Variants in FBXO47 observed in about 807,000 individuals in gnomAD.
The protein encoded by FBXO47 is F-box protein 47.
In FBXO47, 34 loss-of-function variants were observed where a neutral mutation model predicts 53.9. The ratio of observed to expected loss-of-function variants is 0.63; its 90% confidence interval spans 0.48 to 0.84. The LOEUF (loss-of-function observed/expected upper bound fraction) is 0.84. Ranked by LOEUF, FBXO47 falls within the 40% of genes least tolerant of loss-of-function variation. The probability of loss-of-function intolerance (pLI) is 0.00; values close to 1 mark genes in which losing one functional copy is unlikely to be tolerated. For synonymous variants in FBXO47, 165 were observed against 181.6 expected (o/e 0.91, Z 0.73); for missense variants, 485 against 541.3 (o/e 0.90, Z 1.03).
At position 38,950,389 on chromosome 17, in the gene FBXO47, G is replaced by T. The variant is rs563044477; in HGVS notation, c.616+1192C>A. Among the ~76,000 whole-genome samples, 93 of 144,668 alleles carry T rather than the reference G, an allele frequency of 6.4e-4. 1 individual carries two copies. In the East Asian group the frequency reaches 0.016, roughly 25 times the overall value. 94.9% of individuals were successfully genotyped at this position (144,668 alleles called of 152,430 possible). A position where few individuals can be genotyped will look rare whatever the true frequency, so the allele number is the denominator to read the frequency against. ...TCACCTGGTCTTTTTTGTTTGTTTT[G>T]TTTTTTTTTCTAAGATGGAGGGCCT... On this transcript the variant is annotated intron_variant, in intron 6 of 10. Transcript: ENST00000378079.
Position 38,954,951 on chromosome 17 carries a change from T to G in FBXO47, c.430-18A>C. The G allele has an allele frequency of 6.5e-7, 1 of 1,541,224 alleles. No individual in the cohort carries two copies. The highest frequency in any genetic ancestry group is 2.3e-5 in the East Asian group (1 of 44,416). ...CAGGAAACCTGTAAAGAAAACAATG[T>G]TAATACCTCCTTGTCAGTGAAACTA... On this transcript the variant is annotated intron_variant, in intron 4 of 10. Transcript: ENST00000378079.
chr17:38,939,613 C>T (rs1598134703), intron 9 of FBXO47, among the ~76,000 whole-genome samples: 1 of 145,508 alleles, frequency 6.9e-6, no homozygotes, highest in African/African-American at 2.5e-5. Flanking sequence ...TTAAAGATTA[C>T]ATGTTCCTAG....
At chr17:38,939,692 A>G (rs9914994) in intron 9 of FBXO47, among the ~76,000 whole-genome samples, 7,099 of 115,052 alleles carry the variant, frequency 0.062, 659 homozygotes, top group African/African-American at 0.21. Flanking sequence ...ACGGAGTCTC[A>G]CTCTGTCGCC....
At chr17:38,946,333 A>AT (rs1567716561) in intron 6 of FBXO47, among the ~76,000 whole-genome samples, 42 of 84,976 alleles carry the variant, frequency 4.9e-4, no homozygotes, top group African/African-American at 2.4e-3. Flanking sequence ...TAAATATATA[A>AT]ATATATATAA....
At chr17:38,942,572 C>T (rs188762218) in intron 9 of FBXO47, among the ~76,000 whole-genome samples, 1 of 152,076 alleles carries the variant, frequency 6.6e-6, no homozygotes, top group African/African-American at 2.4e-5. Flanking sequence ...CCAGCCTGGA[C>T]AAAAGAGTGA....
At chr17:38,937,933 G>A (rs1247162305) in intron 10 of FBXO47, among the ~76,000 whole-genome samples, 1 of 152,216 alleles carries the variant, frequency 6.6e-6, no homozygotes, top group Non-Finnish European at 1.5e-5. Flanking sequence ...CTCCCAAAGT[G>A]CTGGGATTAC....
intron 9 of FBXO47, among the ~76,000 whole-genome samples, chr17:38,941,225 G>A (rs1465511426): frequency 6.6e-6 from 1 of 151,496 alleles, no homozygotes; most frequent in Non-Finnish European, 1.5e-5. Flanking sequence ...AGGCTGGAGT[G>A]CAGTGGCATG....
At position 38,961,920 on chromosome 17, in the gene FBXO47, G is replaced by T. The variant is rs1209786627; in HGVS notation, c.309C>A (p.Asp103Glu). 1 of 1,614,016 alleles carries T rather than the reference G, an allele frequency of 6.2e-7. No homozygotes were observed. Among genetic ancestry groups the T allele is most frequent in the South Asian group, 1.1e-5 (1 of 91,078 alleles). Residue 103 changes from aspartate (D) to glutamate (E), a missense_variant, in exon 3 of 11, where the codon GAC becomes GAA. Transcript: ENST00000378079. ...LQDFHNLELP[D>E]RRQDSAILEH... The stretch of plus-strand genomic sequence containing the variant: ...CCAGTATAGCAGAGTCTTGTCTCCT[G>T]TCAGGCAGCTCAAGGTTATGAAAGT...
rs1414399613 is a variant in FBXO47, at chr17:38,951,561, T to C, written c.616+20A>G. The C allele has an allele frequency of 6.6e-7, 1 of 1,520,196 alleles. No homozygotes were observed. The highest frequency in any genetic ancestry group is 1.8e-5 in the Admixed American group (1 of 56,348). 94.2% of individuals were successfully genotyped at this position (1,520,196 alleles called of 1,614,324 possible). Reference sequence around the variant, plus strand: ...TCTATTTTAATCTCTGTATATTATATGCAAATTATAGTTTTTTACCTGGTT... The same window carrying C: ...TCTATTTTAATCTCTGTATATTATACGCAAATTATAGTTTTTTACCTGGTT... On this transcript the variant is annotated intron_variant, in intron 6 of 10. Transcript: ENST00000378079.
At chr17:38,965,973 G>C (rs1198708199) in intron 1 of FBXO47, among the ~76,000 whole-genome samples, 1 of 151,474 alleles carries the variant, frequency 6.6e-6, no homozygotes, top group African/African-American at 2.4e-5. Context: ...TAAACACTTT[G>C]GTTTATATAA....
rs369905323 is a variant in FBXO47 at position 38,966,433 on chromosome 17, C to T, written c.-27+796G>A. Among the ~76,000 whole-genome samples the T allele has an allele frequency of 4.6e-5, 7 of 152,146 alleles. No homozygotes were observed. The East Asian group carries it at 5.8e-4, about 13-fold the overall frequency. ...GCCAGCCTGGTCTCGATTTCCTGAC[C>T]TCGTGATCCGCCTGCCCCGGCCTCC... is the stretch of plus-strand genomic sequence containing the variant. On this transcript the variant is annotated intron_variant, in intron 1 of 10. Coordinates refer to ENST00000378079, the MANE Select transcript of FBXO47 (RefSeq NM_001008777.3).
At chr17:38,957,327 T>C in intron 3 of FBXO47, 74 bp from the exon 4 acceptor site, 1 of 1,046,936 alleles carries the variant, frequency 9.6e-7, no homozygotes, top group Non-Finnish European at 1.5e-6. Flanking sequence ...CAGAATAATG[T>C]TTCCTGAAAG....
At chr17:38,965,636 G>A (rs1456090503) in intron 1 of FBXO47, among the ~76,000 whole-genome samples, 1 of 149,784 alleles carries the variant, frequency 6.7e-6, no homozygotes, top group Non-Finnish European at 1.5e-5. Context: ...CACTTTGGGA[G>A]GCTGAGGCCG....
chr17:38,966,246 G>T (rs1906116810), intron 1 of FBXO47, among the ~76,000 whole-genome samples: 5 of 152,102 alleles, frequency 3.3e-5, no homozygotes, highest in Admixed American at 2.6e-4. Context: ...CAGTCTCCTG[G>T]GCTGGAGTGC....
intron 10 of FBXO47, among the ~76,000 whole-genome samples, chr17:38,938,369 C>G (rs1282088339): frequency 6.6e-6 from 1 of 151,966 alleles, no homozygotes; most frequent in Non-Finnish European, 1.5e-5. Context: ...TGACGAAAGC[C>G]AGGAACTAAA....
At chr17:38,946,983 T>C (rs1370620043) in intron 6 of FBXO47, among the ~76,000 whole-genome samples, 3 of 62,432 alleles carry the variant, frequency 4.8e-5, no homozygotes, top group Non-Finnish European at 7.7e-5. Flanking sequence ...TATATGTAAA[T>C]ATATATAAAC....
intron 4 of FBXO47, among the ~76,000 whole-genome samples, chr17:38,956,284 C>CA (rs1480887349): frequency 6.6e-6 from 1 of 152,010 alleles, no homozygotes; most frequent in Non-Finnish European, 1.5e-5. Flanking sequence ...GAACTCAATG[C>CA]AAATGCTGAC....
At chr17:38,951,931 G>A (rs1271196908) in intron 5 of FBXO47, among the ~76,000 whole-genome samples, 1 of 152,164 alleles carries the variant, frequency 6.6e-6, no homozygotes, top group Non-Finnish European at 1.5e-5. Flanking sequence ...TCGAGAGGCT[G>A]AGTCAGAATT....
rs766295678 is a variant in FBXO47, at chr17:38,967,402, C to G, written c.-200G>C. ...GTAGGCTCCGGAGCTGCAGCCCTAC[C>G]CACCAGGCGTCCCCGCGGCCTCTAG... On this transcript the variant is annotated 5_prime_UTR_variant, in exon 1 of 11. Coordinates refer to ENST00000378079, the MANE Select transcript of FBXO47 (RefSeq NM_001008777.3). The G allele has an allele frequency of 6.6e-6, 1 of 152,112 alleles. No homozygotes were observed. The highest frequency in any genetic ancestry group is 1.5e-5 in the Non-Finnish European group (1 of 68,044). The allele number at this position is 152,112 out of a possible 1,614,324, so 9.4% of individuals were successfully genotyped here. A position where few individuals can be genotyped will look rare whatever the true frequency, so the allele number is the denominator to read the frequency against.
Sources: allele counts gnomAD v4.1 joint callset (sites outside exome capture counted in the v4.1 genomes callset), GRCh38; gene constraint gnomAD v4.1.1; transcripts MANE v1.5; gene names NCBI Gene and HGNC (gene_info 2026-07-23, HGNC 2026-07-21).